Variants in PDE10A observed in about 807,000 individuals in gnomAD.
The protein encoded by PDE10A is cAMP and cAMP-inhibited cGMP 3',5'-cyclic phosphodiesterase 10A.
A neutral mutation model predicts 97.7 loss-of-function variants in PDE10A; 39 were observed. That is an observed-to-expected ratio of 0.40 (90% CI 0.31 to 0.52). The LOEUF is 0.52. PDE10A is among the 20% of genes least tolerant of loss of function. The pLI, the probability that PDE10A is intolerant of heterozygous loss-of-function variation, is 0.56. For missense variants in PDE10A, 731 were observed against 1,047.8 expected, an observed-to-expected ratio of 0.70 and a Z score of 4.17; for synonymous variants, 371 against 376.8, an observed-to-expected ratio of 0.98 and a Z score of 0.18.
chr6:165,866,138 C>T (rs1781036849), intron 1 of PDE10A, among the ~76,000 whole-genome samples: 1 of 151,496 alleles, frequency 6.6e-6, no homozygotes, highest in East Asian at 1.9e-4. Context: ...TATAGACTGG[C>T]TAAATGGAAA....
intron 1 of PDE10A, among the ~76,000 whole-genome samples, chr6:165,715,353 C>T (rs534614851): frequency 3.9e-5 from 6 of 152,210 alleles, no homozygotes; most frequent in African/African-American, 7.2e-5. Context: ...ACGCTGTCCA[C>T]GCACTCAAAA....
chr6:165,849,118 T>C (rs556890995), intron 1 of PDE10A, among the ~76,000 whole-genome samples: 112 of 152,378 alleles, frequency 7.4e-4, no homozygotes, highest in African/African-American at 2.5e-3. Context: ...GAAATTCTAA[T>C]ACATAAATTT....
chr6:165,881,423 G>A (rs1196860693), intron 1 of PDE10A, among the ~76,000 whole-genome samples: 3 of 120,650 alleles, frequency 2.5e-5, no homozygotes, highest in Non-Finnish European at 4.8e-5. Flanking sequence ...TTGAGATGGA[G>A]TCTTGCTCTG....
intron 1 of PDE10A, chr6:165,939,515 T>G (rs2128492298): frequency 6.6e-6 from 1 of 152,364 alleles, no homozygotes; most frequent in East Asian, 1.9e-4. Context: ...TACTTTTATT[T>G]CAATGGTTTT....
intron 1 of PDE10A, among the ~76,000 whole-genome samples, chr6:165,633,631 TTTA>T (rs1421222507): frequency 1.3e-5 from 2 of 152,080 alleles, no homozygotes; most frequent in Non-Finnish European, 2.9e-5. Flanking sequence ...TTTATTTCAT[TTTA>T]TTATGTTTTT....
At chr6:165,353,904 T>C (rs1341760389) in intron 18 of PDE10A, among the ~76,000 whole-genome samples, 1 of 152,188 alleles carries the variant, frequency 6.6e-6, no homozygotes, top group Non-Finnish European at 1.5e-5. Flanking sequence ...TGTTGGTTCA[T>C]TAATTGTAAT....
chr6:165,702,015 G>C (rs1185854810), intron 1 of PDE10A, among the ~76,000 whole-genome samples: 1 of 152,196 alleles, frequency 6.6e-6, no homozygotes, highest in Non-Finnish European at 1.5e-5. Flanking sequence ...CAGGACAAGT[G>C]GGGAGGGCAG....
chr6:165,686,712 G>A (rs1193477013), intron 1 of PDE10A, among the ~76,000 whole-genome samples: 1 of 152,192 alleles, frequency 6.6e-6, no homozygotes. Context: ...AACCCTCAGA[G>A]AGTGCAACAG....
At chr6:165,610,624 C>A (rs1787448900) in intron 1 of PDE10A, among the ~76,000 whole-genome samples, 2 of 151,998 alleles carry the variant, frequency 1.3e-5, no homozygotes. Flanking sequence ...TGCTTTTGCT[C>A]CCATAAATGA....
chr6:165,803,038 A>T (rs1779023399), intron 1 of PDE10A, among the ~76,000 whole-genome samples: 1 of 152,248 alleles, frequency 6.6e-6, no homozygotes, highest in Admixed American at 6.5e-5. Context: ...CTGACATAAT[A>T]TTGATACATT....
chr6:165,539,567 T>C (rs777317598), intron 2 of PDE10A, among the ~76,000 whole-genome samples: 6 of 152,162 alleles, frequency 3.9e-5, no homozygotes, highest in Non-Finnish European at 8.8e-5. Flanking sequence ...TCCCAGCACC[T>C]GAACAGAACT....
rs1790229599 is a variant in PDE10A, at chr6:165,661,063, CCTTGA to C, written c.865+879_865+883del. ...CCTGCTTCCTTCTAGCGAACCCCTG[CCTTGA>C]CTTTTCTGCTCAATCTTGTCCCCCA... is the stretch of plus-strand genomic sequence containing the variant. On this transcript the variant is annotated intron_variant, in intron 1 of 21. Transcript: ENST00000539869. This position sits in a 1 kb window ranked among gnomAD's most constrained non-coding sequence, Gnocchi z 4.8. 1.3e-5 allele frequency: 2 copies of C among 152,750 alleles called. No homozygotes were observed. Among genetic ancestry groups the C allele is most frequent in the Admixed American group, 6.5e-5 (1 of 15,300 alleles). The allele number at this position is 152,750 out of a possible 1,614,324, so 9.5% of individuals were successfully genotyped here.
At chr6:165,833,614 C>T (rs1317536384) in intron 1 of PDE10A, among the ~76,000 whole-genome samples, 3 of 152,262 alleles carry the variant, frequency 2.0e-5, no homozygotes, top group Non-Finnish European at 4.4e-5. Context: ...GTTCCTTCAG[C>T]ATGAGGGGGG....
chr6:165,856,340 T>C (rs974129758), intron 1 of PDE10A, among the ~76,000 whole-genome samples: 3 of 152,180 alleles, frequency 2.0e-5, no homozygotes, highest in African/African-American at 7.2e-5. Flanking sequence ...CTCTACGGTG[T>C]CACCAGCCCT....
chr6:165,873,519 CT>C (rs1781257044), intron 1 of PDE10A, among the ~76,000 whole-genome samples: 1 of 152,110 alleles, frequency 6.6e-6, no homozygotes. Context: ...TTTAATTCAA[CT>C]TTCTCCGCAA....
At chr6:165,549,617 C>T (rs184933683) in intron 1 of PDE10A, among the ~76,000 whole-genome samples, 2 of 152,288 alleles carry the variant, frequency 1.3e-5, no homozygotes, top group African/African-American at 2.4e-5. Context: ...AGCCACCATG[C>T]GCGGCTGCAT....
intron 1 of PDE10A, among the ~76,000 whole-genome samples, chr6:165,726,964 G>C (rs148181899): frequency 6.6e-6 from 1 of 152,188 alleles, no homozygotes; most frequent in Non-Finnish European, 1.5e-5. Flanking sequence ...TGGATGGGCC[G>C]AGCCAGGCCA....
At chr6:165,638,558 A>G (rs1788986082) in intron 1 of PDE10A, among the ~76,000 whole-genome samples, 1 of 152,260 alleles carries the variant, frequency 6.6e-6, no homozygotes, top group South Asian at 2.1e-4. Flanking sequence ...TTTTTGAGCT[A>G]GAACATTCAA....
chr6:165,668,003 T>C (rs1443716659), upstream of PDE10A, among the ~76,000 whole-genome samples: 1 of 152,238 alleles, frequency 6.6e-6, no homozygotes, highest in African/African-American at 2.4e-5. Context: ...TAAAAACAGA[T>C]GCAAGTTAGA....
Sources: allele counts gnomAD v4.1 joint callset (sites outside exome capture counted in the v4.1 genomes callset), GRCh38; gene constraint gnomAD v4.1.1; non-coding constraint Gnocchi (gnomAD v3.1); transcripts MANE v1.5; gene names NCBI Gene and HGNC (gene_info 2026-07-23, HGNC 2026-07-21).